Variants in ZNF362 observed in about 807,000 individuals in gnomAD.
ZNF362 encodes the protein rotund homolog.
In ZNF362, 11 loss-of-function variants were observed where a neutral mutation model predicts 42.9. That is an observed-to-expected ratio of 0.26 (90% CI 0.16 to 0.42). The LOEUF is 0.42. Ranked by LOEUF, ZNF362 falls within the 20% of genes least tolerant of loss-of-function variation. The probability of loss-of-function intolerance (pLI) is 1.00; values close to 1 mark genes in which losing one functional copy is unlikely to be tolerated. For missense variants in ZNF362, 362 were observed against 576.2 expected, an observed-to-expected ratio of 0.63 and a Z score of 3.81; for synonymous variants, 255 against 257.3, an observed-to-expected ratio of 0.99 and a Z score of 0.09.
the ZNF362 span, among the ~76,000 whole-genome samples, chr1:33,183,143 C>A: frequency 1.3e-5 from 2 of 152,076 alleles, no homozygotes. Context: ...CGAACTGGGG[C>A]CTCAGCAGTG....
At chr1:33,236,012 A>G in the ZNF362 span, among the ~76,000 whole-genome samples, 1 of 152,178 alleles carries the variant, frequency 6.6e-6, no homozygotes, top group South Asian at 2.1e-4. Flanking sequence ...GAGATTCAGG[A>G]GCCAGACTGT....
At chr1:33,235,341 G>A in the ZNF362 span, among the ~76,000 whole-genome samples, 2 of 152,100 alleles carry the variant, frequency 1.3e-5, no homozygotes, top group Admixed American at 1.3e-4. Flanking sequence ...AGTTTTCCTA[G>A]GTTATCTCTC....
At chr1:33,236,447 G>C in the ZNF362 span, among the ~76,000 whole-genome samples, 3 of 146,978 alleles carry the variant, frequency 2.0e-5, no homozygotes, top group Non-Finnish European at 4.5e-5. Flanking sequence ...CTACTCAAGA[G>C]GCTGAGGCAG....
chr1:33,186,692 G>T, the ZNF362 span, among the ~76,000 whole-genome samples: 3 of 142,940 alleles, frequency 2.1e-5, no homozygotes, highest in Non-Finnish European at 4.5e-5. Flanking sequence ...TGTAATTCCA[G>T]CTACTTGTGA....
the ZNF362 span, among the ~76,000 whole-genome samples, chr1:33,138,112 AT>A: frequency 6.6e-6 from 1 of 152,130 alleles, no homozygotes; most frequent in Non-Finnish European, 1.5e-5. Context: ...TTCTCAGGGC[AT>A]TTTATTCCTG....
the ZNF362 span, among the ~76,000 whole-genome samples, chr1:33,226,404 A>G: frequency 6.6e-6 from 1 of 152,234 alleles, no homozygotes; most frequent in Non-Finnish European, 1.5e-5. Flanking sequence ...ATGAATATTC[A>G]TAGCAGCATT....
chr1:33,278,327 A>G (rs1645966484), intron 4 of ZNF362, among the ~76,000 whole-genome samples: 1 of 152,130 alleles, frequency 6.6e-6, no homozygotes, highest in Admixed American at 6.5e-5. Context: ...CCTACTCACC[A>G]TTCTGTCATA....
chr1:33,288,795 T>C (rs1213786697), intron 6 of ZNF362, among the ~76,000 whole-genome samples: 2 of 140,222 alleles, frequency 1.4e-5, no homozygotes, highest in African/African-American at 5.3e-5. Context: ...GGGGTGGACT[T>C]CCCATCGCCG....
chr1:33,168,759 T>C, the ZNF362 span, among the ~76,000 whole-genome samples: 14 of 152,208 alleles, frequency 9.2e-5, no homozygotes, highest in African/African-American at 3.4e-4. Context: ...CTGACAGCCT[T>C]GGGCTATCCA....
intron 2 of ZNF362, among the ~76,000 whole-genome samples, chr1:33,273,055 C>T (rs1392605661): frequency 6.6e-6 from 1 of 152,366 alleles, no homozygotes; most frequent in Middle Eastern, 3.4e-3. Flanking sequence ...TCACCTCTCA[C>T]CAGGGCCCAC....
chr1:33,234,879 G>T, the ZNF362 span, among the ~76,000 whole-genome samples: 1 of 152,180 alleles, frequency 6.6e-6, no homozygotes, highest in African/African-American at 2.4e-5. Flanking sequence ...CCCAGAGGAG[G>T]CCTCACAGCT....
chr1:33,181,224 T>C, the ZNF362 span: 1 of 1,570,976 alleles, frequency 6.4e-7, no homozygotes. This position sits in a 1 kb window ranked among gnomAD's most constrained non-coding sequence, Gnocchi z 6.5. Context: ...CTCCACGATG[T>C]TGGCCAGCTT....
the ZNF362 span, among the ~76,000 whole-genome samples, chr1:33,174,856 C>G: frequency 6.6e-6 from 1 of 151,756 alleles, no homozygotes; most frequent in African/African-American, 2.4e-5. Flanking sequence ...AGGGCTGGCC[C>G]TCTGTAGCCA....
At chr1:33,279,587 CTT>C (rs1645975822) in intron 4 of ZNF362, among the ~76,000 whole-genome samples, 1 of 150,404 alleles carries the variant, frequency 6.6e-6, no homozygotes, top group Admixed American at 6.6e-5. Flanking sequence ...AAAAGAATAA[CTT>C]TTATTACAGA....
At chr1:33,188,986 G>A in the ZNF362 span, among the ~76,000 whole-genome samples, 3 of 152,106 alleles carry the variant, frequency 2.0e-5, no homozygotes, top group Non-Finnish European at 4.4e-5. Context: ...TGCTCTTCAC[G>A]AGTCCCTGAG....
chr1:33,177,067 GCACA>G, the ZNF362 span, among the ~76,000 whole-genome samples: 111,035 of 150,648 alleles, frequency 0.74, 40,892 homozygotes, highest in East Asian at 0.76. The surrounding 1 kb of genome is among the most constrained non-coding windows in gnomAD (Gnocchi z 4.1). Flanking sequence ...ACACACACAT[GCACA>G]CACACACATG....
chr1:33,209,552 C>G, the ZNF362 span, among the ~76,000 whole-genome samples: 2 of 152,166 alleles, frequency 1.3e-5, no homozygotes, highest in East Asian at 3.8e-4. Context: ...CCGTCTGGTC[C>G]TGGACTTTTT....
chr1:33,188,007 G>A, the ZNF362 span, among the ~76,000 whole-genome samples: 5 of 152,044 alleles, frequency 3.3e-5, no homozygotes, highest in Admixed American at 6.6e-5. Flanking sequence ...AGGCCGAGAC[G>A]GGCAGATCAC....
chr1:33,141,737 A>G, the ZNF362 span: 1 of 162,730 alleles, frequency 6.1e-6, no homozygotes, highest in Non-Finnish European at 1.3e-5. Context: ...TAAAGCAGAT[A>G]GAAAACTGTT....
Sources: gnomAD v4.1 joint callset for allele counts (sites outside exome capture counted in the v4.1 genomes callset) on GRCh38, gnomAD v4.1.1 for gene constraint, Gnocchi (gnomAD v3.1) non-coding constraint, MANE v1.5 for transcripts, NCBI Gene and HGNC (gene_info 2026-07-23, HGNC 2026-07-21) for gene names.